SCLT1: variants seen among roughly 807,000 people sequenced by gnomAD.
SCLT1 encodes sodium channel-associated protein 1.
Under a neutral mutation model 112.8 loss-of-function variants are expected in SCLT1, and 78 were observed. The ratio of observed to expected loss-of-function variants is 0.69; its 90% confidence interval spans 0.58 to 0.83. The LOEUF is 0.83. SCLT1 is among the 40% of genes least tolerant of loss of function. The pLI is 0.00. For missense variants in SCLT1, 747 were observed against 770.4 expected (o/e 0.97, Z 0.36); for synonymous variants, 257 against 254.7 (o/e 1.01, Z -0.09).
At chr4:129,092,185 T>C (rs1255384327) in intron 1 of SCLT1, among the ~76,000 whole-genome samples, 1 of 152,202 alleles carries the variant, frequency 6.6e-6, no homozygotes, top group Non-Finnish European at 1.5e-5. Flanking sequence ...TCCATACTCC[T>C]TAGCACAGAG....
chr4:128,886,899 C>A (rs1052237706), intron 20 of SCLT1, among the ~76,000 whole-genome samples: 1 of 152,092 alleles, frequency 6.6e-6, no homozygotes, highest in Non-Finnish European at 1.5e-5. Flanking sequence ...TTTTCGTAGA[C>A]GTTTTCTTTG....
chr4:129,045,895 AC>A (rs1165348509), intron 2 of SCLT1, among the ~76,000 whole-genome samples: 2 of 152,108 alleles, frequency 1.3e-5, no homozygotes, highest in Non-Finnish European at 2.9e-5. Flanking sequence ...AGATGAACAA[AC>A]AATTTATAGT....
At chr4:128,958,476 C>T (rs896051313) in intron 12 of SCLT1, among the ~76,000 whole-genome samples, 3 of 152,144 alleles carry the variant, frequency 2.0e-5, no homozygotes, top group African/African-American at 7.2e-5. Context: ...CTGTGAGCGT[C>T]TGTTGACTTA....
chr4:128,959,469 T>C (rs569273027), intron 12 of SCLT1, 131 bp downstream of exon 12: 1 of 659,298 alleles, frequency 1.5e-6, no homozygotes, highest in African/African-American at 1.8e-5. Flanking sequence ...ATATGGATGA[T>C]TACTAATGAA....
chr4:129,065,882 G>A (rs1750440639), intron 2 of SCLT1, among the ~76,000 whole-genome samples: 2 of 151,894 alleles, frequency 1.3e-5, no homozygotes, highest in South Asian at 2.1e-4. Flanking sequence ...TTCTGGGAGG[G>A]AAACACAAAA....
intron 2 of SCLT1, among the ~76,000 whole-genome samples, chr4:129,077,225 A>AT (rs1460493546): frequency 2.0e-5 from 3 of 151,696 alleles, no homozygotes; most frequent in Non-Finnish European, 4.4e-5. Context: ...ACACCTAACA[A>AT]AGTTTATATA....
chr4:129,062,766 C>T (rs776273695), intron 2 of SCLT1, among the ~76,000 whole-genome samples: 15 of 152,122 alleles, frequency 9.9e-5, no homozygotes, highest in Admixed American at 3.3e-4. Flanking sequence ...TGATTGCCTA[C>T]GGAAGTTCCT....
intron 2 of SCLT1, among the ~76,000 whole-genome samples, chr4:129,045,163 T>G (rs1748069923): frequency 6.6e-6 from 1 of 152,132 alleles, no homozygotes; most frequent in Non-Finnish European, 1.5e-5. Flanking sequence ...AATGCATTAT[T>G]GACCTTGAGT....
chr4:128,996,532 C>T (rs1157233425), intron 8 of SCLT1, among the ~76,000 whole-genome samples: 1 of 152,056 alleles, frequency 6.6e-6, no homozygotes, highest in East Asian at 1.9e-4. Context: ...GTTCTGAATG[C>T]TCTTTGAACT....
intron 1 of SCLT1, among the ~76,000 whole-genome samples, chr4:129,091,470 C>T (rs906980280): frequency 2.0e-5 from 3 of 151,972 alleles, no homozygotes; most frequent in African/African-American, 7.3e-5. Context: ...CTGGATCATT[C>T]TTATAAAATT....
chr4:128,995,619 C>T (rs566816108), intron 8 of SCLT1, among the ~76,000 whole-genome samples: 1 of 152,256 alleles, frequency 6.6e-6, no homozygotes, highest in Admixed American at 6.5e-5. Context: ...AGAGATTCAG[C>T]AGGCCTCTAC....
chr4:128,971,528 T>C (rs886473432), intron 9 of SCLT1: 2 of 152,194 alleles, frequency 1.3e-5, no homozygotes, highest in Non-Finnish European at 2.9e-5. Flanking sequence ...GAATTAATAC[T>C]ACTATTATAT....
intron 18 of SCLT1, among the ~76,000 whole-genome samples, chr4:128,930,389 A>C (rs530315866): frequency 1.3e-5 from 2 of 152,326 alleles, no homozygotes; most frequent in East Asian, 3.9e-4. Flanking sequence ...TTGCTACTTC[A>C]TGAAAGACCT....
At chr4:128,902,195 G>A (rs957388288) in intron 18 of SCLT1, among the ~76,000 whole-genome samples, 30 of 152,200 alleles carry the variant, frequency 2.0e-4, no homozygotes, top group South Asian at 8.3e-4. Context: ...GTGAGCCACC[G>A]TACCCAGGAG....
intron 2 of SCLT1, among the ~76,000 whole-genome samples, chr4:129,044,417 C>T (rs1747986536): frequency 6.6e-6 from 1 of 151,482 alleles, no homozygotes; most frequent in Non-Finnish European, 1.5e-5. Flanking sequence ...ATTATTAGAA[C>T]TAGTAAGATA....
At chr4:129,059,460 G>A (rs1005333702) in intron 2 of SCLT1, among the ~76,000 whole-genome samples, 2 of 151,976 alleles carry the variant, frequency 1.3e-5, no homozygotes, top group Non-Finnish European at 2.9e-5. Flanking sequence ...AGTGAGTTTT[G>A]TATTTTTATG....
intron 13 of SCLT1, among the ~76,000 whole-genome samples, chr4:128,953,315 G>A (rs545810814): frequency 2.0e-5 from 3 of 152,210 alleles, no homozygotes; most frequent in Admixed American, 2.0e-4. Context: ...CTTAATGTCT[G>A]GCTGAATAGA....
chr4:128,890,866 T>C (rs1219030146), intron 19 of SCLT1, among the ~76,000 whole-genome samples, 193 bp downstream of exon 19: 1 of 152,218 alleles, frequency 6.6e-6, no homozygotes, highest in East Asian at 1.9e-4. Context: ...CTTTTATTAT[T>C]TACATATGAT....
chr4:129,021,737 T>C (rs1745493871), intron 5 of SCLT1, among the ~76,000 whole-genome samples: 2 of 152,314 alleles, frequency 1.3e-5, no homozygotes, highest in South Asian at 2.1e-4. Context: ...CTTCAGCAGA[T>C]TTAATCGTTC....
Sources: allele counts gnomAD v4.1 joint callset (sites outside exome capture counted in the v4.1 genomes callset), GRCh38; gene constraint gnomAD v4.1.1; transcripts MANE v1.5; gene names NCBI Gene and HGNC (gene_info 2026-07-23, HGNC 2026-07-21).